Variants in CSMD1 observed in about 807,000 individuals in gnomAD.
The protein encoded by CSMD1 is CUB and Sushi multiple domains 1.
Under a neutral mutation model 417.5 loss-of-function variants are expected in CSMD1, and 213 were observed. The ratio of observed to expected loss-of-function variants is 0.51; its 90% CI spans 0.46 to 0.57. The LOEUF (loss-of-function observed/expected upper bound fraction) is 0.57. Ranked by LOEUF, CSMD1 falls within the 20% of genes least tolerant of loss-of-function variation. The pLI, the probability that CSMD1 is intolerant of heterozygous loss-of-function variation, is 0.00. For missense variants in CSMD1, 6,923 were observed against 4,529.7 expected (o/e 1.53, Z -15.17); for synonymous variants, 2,862 against 1,736.8 (o/e 1.65, Z -16.11).
chr8:4,987,941 T>C (rs1485083800), intron 1 of CSMD1, among the ~76,000 whole-genome samples: 1 of 152,236 alleles, frequency 6.6e-6, no homozygotes, highest in East Asian at 1.9e-4. Context: ...GGCCACAGGC[T>C]GAAGACTGCA....
intron 3 of CSMD1, among the ~76,000 whole-genome samples, chr8:4,138,441 AAAAAAC>A (rs1383852179): frequency 1.3e-5 from 2 of 152,034 alleles, no homozygotes; most frequent in African/African-American, 4.8e-5. Flanking sequence ...CCTTCTATCA[AAAAAAC>A]ACAGAACGCA....
Position 4,155,892 on chromosome 8 carries a change from C to G in CSMD1, c.416-123793G>C, listed in dbSNP as rs1009175336. Among the ~76,000 whole-genome samples the G allele has an allele frequency of 2.6e-5, 4 of 152,042 alleles. 1 individual carries two copies. In the South Asian group the frequency reaches 6.2e-4, roughly 24 times the overall value. On this transcript the variant is annotated intron_variant, in intron 3 of 69. Transcript: ENST00000635120. ...TGCCATCCTATAGCCCTCTCTGTTC[C>G]CAGTAAGTGCGGGAATGAGCTTTTG... is the stretch of plus-strand genomic sequence containing the variant.
chr8:3,848,295 T>A (rs1459153146), intron 5 of CSMD1, among the ~76,000 whole-genome samples: 1 of 152,174 alleles, frequency 6.6e-6, no homozygotes, highest in South Asian at 2.1e-4. Flanking sequence ...CTCATTCTAC[T>A]GCGATCCCAC....
intron 40 of CSMD1, among the ~76,000 whole-genome samples, chr8:3,143,341 A>T (rs781667855): frequency 6.6e-6 from 1 of 152,202 alleles, no homozygotes; most frequent in Non-Finnish European, 1.5e-5. Flanking sequence ...GTTTGTGAGA[A>T]ACCCAATCTA....
intron 1 of CSMD1, among the ~76,000 whole-genome samples, chr8:4,745,915 G>C (rs1166163217): frequency 2.0e-5 from 3 of 152,204 alleles, no homozygotes; most frequent in Admixed American, 6.5e-5. Context: ...AATCAAGTCA[G>C]CTAACTTTTG....
chr8:4,718,308 T>A (rs1295647858), intron 1 of CSMD1, among the ~76,000 whole-genome samples: 1 of 152,158 alleles, frequency 6.6e-6, no homozygotes, highest in Non-Finnish European at 1.5e-5. Flanking sequence ...AAAAAACATA[T>A]ATAACGATTT....
intron 3 of CSMD1, among the ~76,000 whole-genome samples, chr8:4,104,773 C>T (rs544474053): frequency 6.6e-5 from 10 of 152,286 alleles, no homozygotes; most frequent in Admixed American, 2.0e-4. Flanking sequence ...TTCCGTTTCC[C>T]AGGAACTGCT....
At chr8:3,225,561 C>G (rs539693887) in intron 27 of CSMD1, among the ~76,000 whole-genome samples, 5 of 152,130 alleles carry the variant, frequency 3.3e-5, no homozygotes, top group Admixed American at 3.3e-4. Flanking sequence ...ACCTGAAGGT[C>G]TAGAAGATTC....
intron 1 of CSMD1, among the ~76,000 whole-genome samples, chr8:4,673,015 T>C (rs749620651): frequency 2.3e-4 from 35 of 151,306 alleles, no homozygotes; most frequent in African/African-American, 7.8e-4. Context: ...CATGGTGACA[T>C]GGCACACACG....
At chr8:3,514,777 T>C (rs939585357) in intron 10 of CSMD1, among the ~76,000 whole-genome samples, 1 of 152,144 alleles carries the variant, frequency 6.6e-6, no homozygotes, top group South Asian at 2.1e-4. Flanking sequence ...CTGCACATGA[T>C]CCTTTAGTGA....
intron 4 of CSMD1, among the ~76,000 whole-genome samples, chr8:4,007,032 G>T (rs1333459647): frequency 4.0e-5 from 6 of 151,754 alleles, no homozygotes; most frequent in Non-Finnish European, 7.4e-5. Context: ...TAGAGACGGG[G>T]TTTCACCGTG....
intron 2 of CSMD1, among the ~76,000 whole-genome samples, chr8:4,434,758 G>A (rs550992224): frequency 6.6e-6 from 1 of 152,262 alleles, no homozygotes; most frequent in East Asian, 1.9e-4. Context: ...CTCTTAGACT[G>A]TCAAATACAC....
At chr8:4,565,368 G>C (rs1377108722) in intron 2 of CSMD1, among the ~76,000 whole-genome samples, 1 of 152,164 alleles carries the variant, frequency 6.6e-6, no homozygotes, top group Non-Finnish European at 1.5e-5. Context: ...GCCATGTGCA[G>C]CTGTGGTATG....
At chr8:4,050,932 C>G (rs144896146) in intron 3 of CSMD1, among the ~76,000 whole-genome samples, 2 of 151,936 alleles carry the variant, frequency 1.3e-5, no homozygotes, top group African/African-American at 4.8e-5. Flanking sequence ...ACCTATATTC[C>G]CATCCATGAT....
chr8:4,054,377 G>A lies in CSMD1; in HGVS notation c.416-22278C>T, dbSNP rs73658563. Among the ~76,000 whole-genome samples the A allele has an allele frequency of 5.9e-5, 9 of 152,156 alleles. 1 individual carries two copies. The South Asian group carries it at 1.9e-3, about 32-fold the overall frequency. Reference sequence around the variant, plus strand: ...TCTCTGTTGCCTTCATCCCATATAGGGGATGGCCGCCCGAGCCATCTACCC... The same window carrying A: ...TCTCTGTTGCCTTCATCCCATATAGAGGATGGCCGCCCGAGCCATCTACCC... On this transcript the variant is annotated intron_variant, in intron 3 of 69. Transcript: ENST00000635120.
chr8:4,784,001 C>T (rs921955), intron 1 of CSMD1, among the ~76,000 whole-genome samples: 45,304 of 151,924 alleles, frequency 0.3, 7,423 homozygotes, highest in Admixed American at 0.4. Flanking sequence ...TTAATCAGTA[C>T]GATTAGTGAA....
At chr8:4,283,294 G>A (rs11987617) in intron 3 of CSMD1, among the ~76,000 whole-genome samples, 2 of 152,120 alleles carry the variant, frequency 1.3e-5, no homozygotes, top group Non-Finnish European at 2.9e-5. Context: ...TGTGACATTT[G>A]ATTTTGTTTA....
chr8:4,468,791 T>C lies in CSMD1; in HGVS notation c.303-48726A>G, dbSNP rs946182996. Among the ~76,000 whole-genome samples, 3 of 152,204 alleles carry C rather than the reference T, an allele frequency of 2.0e-5. 1 individual carries two copies. Among genetic ancestry groups the C allele is most frequent in the South Asian group, 4.1e-4 (2 of 4,832 alleles). The stretch of plus-strand genomic sequence containing the variant: ...CTTAGCATGTCCTGTGTTTTTCATA[T>C]AATGGATAATCAATAATTATTGTAT... On this transcript the variant is annotated intron_variant, in intron 2 of 69. Transcript: ENST00000635120.
chr8:4,272,355 T>C lies in CSMD1; in HGVS notation c.415+147598A>G, dbSNP rs538431575. Among the ~76,000 whole-genome samples, 5 of 152,294 alleles carry C rather than the reference T, an allele frequency of 3.3e-5. 1 individual carries two copies. Among genetic ancestry groups the C allele is most frequent in the African/African-American group, 1.2e-4 (5 of 41,574 alleles). Reference sequence around the variant, plus strand: ...GAACAAAAGCATGTTATTCCACTAATTGCTGTACATCCTTTCACCTGAAGT... The same window carrying C: ...GAACAAAAGCATGTTATTCCACTAACTGCTGTACATCCTTTCACCTGAAGT... On this transcript the variant is annotated intron_variant, in intron 3 of 69. Transcript: ENST00000635120.
Sources: gnomAD v4.1 joint callset for allele counts (sites outside exome capture counted in the v4.1 genomes callset) on GRCh38, gnomAD v4.1.1 for gene constraint, MANE v1.5 for transcripts, NCBI Gene and HGNC (gene_info 2026-07-23, HGNC 2026-07-21) for gene names.